Variants in RBFOX1 observed in about 807,000 individuals in gnomAD.
RBFOX1 encodes the protein RNA binding protein fox-1 homolog 1.
In RBFOX1, 8 loss-of-function variants were observed where a neutral mutation model predicts 57.7. The observed-to-expected ratio is 0.14, with a 90% CI of 0.08 to 0.25. The LOEUF is 0.25. RBFOX1 is among the 10% of genes least tolerant of loss of function. The pLI is 1.00. For missense variants in RBFOX1, 611 were observed against 548.5 expected (o/e 1.11, Z -1.14); for synonymous variants, 326 against 222.4 (o/e 1.47, Z -4.15).
chr16:7,189,298 C>T (rs947107219), intron 4 of RBFOX1, among the ~76,000 whole-genome samples: 15 of 151,626 alleles, frequency 9.9e-5, no homozygotes, highest in Admixed American at 2.6e-4. Flanking sequence ...TGGTGGCGGG[C>T]GCCTGAAGTC....
In RBFOX1 at chr16:5,840,726, T is replaced by C. The variant is rs77309644; in HGVS notation, c.319-26577T>C. ...TGTGTAGGTGAAGCAGAAGGAGCCT[T>C]CTCACAGCACACTGGCTTTAGCATG... On this transcript the variant is annotated intron_variant, in intron 3 of 19. Coordinates refer to the RBFOX1 transcript ENST00000641259. 1.6e-3 allele frequency among the ~76,000 whole-genome samples: 249 copies of C among 152,226 alleles called. 2 individuals carry two copies. Among genetic ancestry groups the C allele is most frequent in the South Asian group, 7.7e-3 (37 of 4,812 alleles).
intron 2 of RBFOX1, among the ~76,000 whole-genome samples, chr16:6,611,820 C>A (rs2098060513): frequency 1.3e-5 from 2 of 152,104 alleles, no homozygotes; most frequent in African/African-American, 4.8e-5. Context: ...TCCCTCAGGG[C>A]CCTCCTCCAA....
chr16:7,469,056 C>A (rs2150848120), intron 4 of RBFOX1, among the ~76,000 whole-genome samples: 1 of 152,172 alleles, frequency 6.6e-6, no homozygotes, highest in Non-Finnish European at 1.5e-5. Context: ...GCCTCAGCCT[C>A]CTGAGTAGCT....
chr16:5,646,629 G>C (rs376518921), intron 3 of RBFOX1, among the ~76,000 whole-genome samples: 2 of 151,930 alleles, frequency 1.3e-5, no homozygotes, highest in African/African-American at 2.4e-5. Context: ...GGTAAGGGAA[G>C]ACCCTCTTAT....
intron 4 of RBFOX1, among the ~76,000 whole-genome samples, chr16:7,170,748 G>T (rs949515838): frequency 5.3e-5 from 8 of 151,768 alleles, no homozygotes; most frequent in Non-Finnish European, 1.2e-4. Flanking sequence ...TTGGTTGAAT[G>T]AATGTCTTCA....
At chr16:5,267,003 A>T (rs2062876063) in intron 1 of RBFOX1, among the ~76,000 whole-genome samples, 1 of 152,048 alleles carries the variant, frequency 6.6e-6, no homozygotes. Flanking sequence ...TGATCACCTT[A>T]ATTTGAACTA....
intron 4 of RBFOX1, among the ~76,000 whole-genome samples, chr16:7,173,583 C>T (rs1394047494): frequency 2.0e-5 from 3 of 152,050 alleles, no homozygotes; most frequent in African/African-American, 7.2e-5. Context: ...GTAGTGCATA[C>T]TACTTTTACA....
Position 7,418,474 on chromosome 16 carries a change from G to C in RBFOX1, c.28-99673G>C, listed in dbSNP as rs536468240. 6.6e-5 allele frequency among the ~76,000 whole-genome samples: 10 copies of C among 152,304 alleles called. No individual in the cohort carries two copies. The East Asian group carries it at 1.7e-3, about 27-fold the overall frequency. ...GCGTGAGCCAGGCATCTGAGATGGAGATTACGCATTCTGTGTCTCTGCCTG... is the reference window on the plus strand; with the variant it reads ...GCGTGAGCCAGGCATCTGAGATGGACATTACGCATTCTGTGTCTCTGCCTG... On this transcript the variant is annotated intron_variant, in intron 4 of 15. Coordinates refer to ENST00000550418, the MANE Select transcript of RBFOX1 (RefSeq NM_018723.4).
intron 3 of RBFOX1, among the ~76,000 whole-genome samples, chr16:6,683,756 A>T (rs1289813540): frequency 6.6e-6 from 1 of 152,170 alleles, no homozygotes; most frequent in South Asian, 2.1e-4. Flanking sequence ...TGCCCATCAG[A>T]GATGGAGCTT....
intron 1 of RBFOX1, among the ~76,000 whole-genome samples, chr16:5,252,964 C>T (rs904054701): frequency 1.3e-5 from 2 of 152,170 alleles, no homozygotes; most frequent in Non-Finnish European, 2.9e-5. Flanking sequence ...TGTTCACATG[C>T]ACGCAGCCAA....
intron 4 of RBFOX1, among the ~76,000 whole-genome samples, chr16:7,426,008 G>C (rs986621158): frequency 2.6e-5 from 4 of 152,176 alleles, no homozygotes; most frequent in Non-Finnish European, 4.4e-5. Context: ...TTTGTTCAAG[G>C]CGGCATCTGG....
intron 6 of RBFOX1, among the ~76,000 whole-genome samples, chr16:7,584,289 G>C (rs1162019950): frequency 3.3e-5 from 5 of 152,098 alleles, no homozygotes; most frequent in African/African-American, 1.2e-4. Flanking sequence ...TAAGCTTCTA[G>C]ATCTTGTTTG....
At chr16:6,529,066 A>G (rs979588674) in intron 2 of RBFOX1, among the ~76,000 whole-genome samples, 6 of 152,076 alleles carry the variant, frequency 3.9e-5, no homozygotes, top group African/African-American at 1.5e-4. Context: ...AAACAAAAAA[A>G]CTTCTTGTAA....
intron 1 of RBFOX1, among the ~76,000 whole-genome samples, chr16:5,454,959 C>CTTTCTTTCTTTCTTTCT (rs2068575306): frequency 2.9e-5 from 1 of 34,296 alleles, no homozygotes; most frequent in African/African-American, 1.0e-4. Context: ...TCCTTCCTTC[C>CTTTCTTTCTTTCTTTCT]TTTCTTTCTT....
chr16:5,966,967 T>G (rs2059856063), intron 4 of RBFOX1, among the ~76,000 whole-genome samples: 1 of 131,322 alleles, frequency 7.6e-6, no homozygotes, highest in South Asian at 2.9e-4. Flanking sequence ...AATGACCTAC[T>G]TAATTGTCTT....
intron 3 of RBFOX1, among the ~76,000 whole-genome samples, chr16:6,820,346 T>C (rs1056123298): frequency 6.6e-6 from 1 of 152,116 alleles, no homozygotes; most frequent in African/African-American, 2.4e-5. Flanking sequence ...GATTCCCTAA[T>C]GGATAGATAG....
intron 4 of RBFOX1, among the ~76,000 whole-genome samples, chr16:7,125,339 A>G (rs1057229283): frequency 3.9e-5 from 6 of 152,148 alleles, no homozygotes; most frequent in African/African-American, 1.4e-4. Context: ...AAAATCAGAT[A>G]CTACTTTTAG....
At chr16:6,865,145 G>C (rs542019034) in intron 3 of RBFOX1, among the ~76,000 whole-genome samples, 2 of 151,578 alleles carry the variant, frequency 1.3e-5, no homozygotes, top group Non-Finnish European at 2.9e-5. Flanking sequence ...TGGGATTACA[G>C]GTGCCCACCA....
At chr16:7,482,630 A>G (rs1214941148) in intron 4 of RBFOX1, among the ~76,000 whole-genome samples, 1 of 148,578 alleles carries the variant, frequency 6.7e-6, no homozygotes, top group Non-Finnish European at 1.5e-5. Flanking sequence ...CTGCTTTCCA[A>G]GAGAACCCAG....
Sources: gnomAD v4.1 joint callset for allele counts (sites outside exome capture counted in the v4.1 genomes callset) on GRCh38, gnomAD v4.1.1 for gene constraint, MANE v1.5 for transcripts, NCBI Gene and HGNC (gene_info 2026-07-23, HGNC 2026-07-21) for gene names.